Variants in CA10 observed in about 807,000 individuals in gnomAD.
The protein encoded by CA10 is carbonic anhydrase-related protein 10.
A neutral mutation model predicts 44.2 loss-of-function variants in CA10; 14 were observed. The observed-to-expected ratio is 0.32, with a 90% CI of 0.21 to 0.50. CA10 has a LOEUF of 0.50. Ranked by LOEUF, CA10 falls within the 20% of genes least tolerant of loss-of-function variation. The pLI, the probability that CA10 is intolerant of heterozygous loss-of-function variation, is 0.99. For synonymous variants in CA10, 159 were observed against 141.6 expected (o/e 1.12, Z -0.87); for missense variants, 350 against 409.7 (o/e 0.85, Z 1.26).
At chr17:51,724,566 C>T (rs1183142652) in intron 4 of CA10, among the ~76,000 whole-genome samples, 1 of 152,166 alleles carries the variant, frequency 6.6e-6, no homozygotes, top group Admixed American at 6.5e-5. Context: ...AAATCAAAAG[C>T]AGCTTTGATT....
chr17:51,896,172 C>CA (rs1195765432), intron 3 of CA10, among the ~76,000 whole-genome samples: 1 of 151,862 alleles, frequency 6.6e-6, no homozygotes, highest in Non-Finnish European at 1.5e-5. Context: ...GTTTGGTGTA[C>CA]AAATTATTTA....
chr17:52,013,505 G>A (rs56655792), intron 2 of CA10, among the ~76,000 whole-genome samples: 4,849 of 151,944 alleles, frequency 0.032, 264 homozygotes, highest in African/African-American at 0.11. Context: ...AGGGCATTAG[G>A]GAATTGGAAA....
chr17:52,011,104 G>A (rs375541643), intron 2 of CA10, among the ~76,000 whole-genome samples: 1 of 151,862 alleles, frequency 6.6e-6, no homozygotes, highest in African/African-American at 2.4e-5. Flanking sequence ...CCTAAAAACT[G>A]GGAATTGTAT....
chr17:52,120,430 ATCCT>A (rs1988989392), intron 1 of CA10, among the ~76,000 whole-genome samples: 2 of 99,254 alleles, frequency 2.0e-5, no homozygotes, highest in Non-Finnish European at 3.8e-5. Context: ...CCTTATCCTT[ATCCT>A]TATCCTTATC....
intron 1 of CA10, among the ~76,000 whole-genome samples, chr17:52,125,623 C>T (rs1467411799): frequency 6.6e-6 from 1 of 152,170 alleles, no homozygotes. Context: ...TCTTCGGTCT[C>T]TTGATACCTT....
At chr17:51,763,951 C>A (rs901687809) in intron 3 of CA10, among the ~76,000 whole-genome samples, 1 of 151,646 alleles carries the variant, frequency 6.6e-6, no homozygotes, top group African/African-American at 2.4e-5. Flanking sequence ...CAACTTAAGC[C>A]CTTATTTTAC....
In CA10 at chr17:51,852,265, T is replaced by C. The variant is rs112466871; in HGVS notation, c.279+78725A>G. ...CAGCCCAGTTCCGTTCAAAGAGATT[T>C]CAGCTGCACCGAGTCAGAGGCGAGG... On this transcript the variant is annotated intron_variant, in intron 3 of 8. Coordinates refer to ENST00000451037, the MANE Select transcript of CA10 (RefSeq NM_020178.5). Among the ~76,000 whole-genome samples the C allele has an allele frequency of 5.8e-4, 89 of 152,312 alleles. 1 individual carries two copies. The highest frequency in any genetic ancestry group is 3.4e-3 in the Middle Eastern group (1 of 294).
At chr17:51,699,540 T>C (rs928912250) in intron 4 of CA10, among the ~76,000 whole-genome samples, 4 of 152,208 alleles carry the variant, frequency 2.6e-5, no homozygotes, top group Non-Finnish European at 4.4e-5. Flanking sequence ...ATGTTCAGTT[T>C]TTGCTTAGCT....
chr17:51,849,233 G>GTGTATATATATATATA (rs1387448675), intron 3 of CA10, among the ~76,000 whole-genome samples: 3 of 39,896 alleles, frequency 7.5e-5, no homozygotes, highest in Admixed American at 6.5e-4. Context: ...ATATGTGTGT[G>GTGTATATATATATATA]TATATATATA....
At chr17:52,133,679 C>T (rs2143357380) in intron 1 of CA10, among the ~76,000 whole-genome samples, 1 of 152,270 alleles carries the variant, frequency 6.6e-6, no homozygotes, top group South Asian at 2.1e-4. Context: ...CAAAGCCATA[C>T]CCTCTTCTGG....
chr17:52,123,440 C>T (rs565112443), intron 1 of CA10, among the ~76,000 whole-genome samples: 2 of 148,606 alleles, frequency 1.3e-5, no homozygotes, highest in Admixed American at 1.3e-4. Flanking sequence ...ATCTCCATTA[C>T]CAGCTTTCTA....
chr17:52,004,901 A>G (rs1356505403), intron 2 of CA10, among the ~76,000 whole-genome samples: 1 of 151,922 alleles, frequency 6.6e-6, no homozygotes, highest in Non-Finnish European at 1.5e-5. Context: ...GCCTCTGAAG[A>G]AATTTGCTAA....
At chr17:52,088,948 A>G (rs1469838680) in intron 1 of CA10, among the ~76,000 whole-genome samples, 1 of 152,234 alleles carries the variant, frequency 6.6e-6, no homozygotes, top group African/African-American at 2.4e-5. Context: ...TGTCAATAAA[A>G]TGCTTTCATC....
chr17:51,822,844 A>G (rs1038911873), intron 3 of CA10, among the ~76,000 whole-genome samples: 1 of 152,184 alleles, frequency 6.6e-6, no homozygotes, highest in Middle Eastern at 3.2e-3. Flanking sequence ...ATATCATGTG[A>G]GAAGACTCAA....
At chr17:51,803,132 T>C (rs1246582888) in intron 3 of CA10, among the ~76,000 whole-genome samples, 2 of 152,176 alleles carry the variant, frequency 1.3e-5, no homozygotes, top group African/African-American at 4.8e-5. Flanking sequence ...TCCCAGAAAA[T>C]GGATAGTTTT....
chr17:52,081,795 G>A (rs1380549416), intron 1 of CA10, among the ~76,000 whole-genome samples: 3 of 83,802 alleles, frequency 3.6e-5, no homozygotes, highest in Non-Finnish European at 7.3e-5. Flanking sequence ...GCGAGACTCC[G>A]TCTCAAAAAA....
At chr17:51,871,112 G>A (rs1466248428) in intron 3 of CA10, among the ~76,000 whole-genome samples, 1 of 142,828 alleles carries the variant, frequency 7.0e-6, no homozygotes, top group Admixed American at 7.4e-5. Flanking sequence ...AGGGTGGAGT[G>A]GAGTGGCATG....
At chr17:51,672,929 G>A (rs866717927) in intron 4 of CA10, among the ~76,000 whole-genome samples, 1 of 152,184 alleles carries the variant, frequency 6.6e-6, no homozygotes, top group South Asian at 2.1e-4. Flanking sequence ...CTTTGCAGGA[G>A]GGGAGACTTG....
At chr17:51,808,535 C>T (rs1011739424) in intron 3 of CA10, among the ~76,000 whole-genome samples, 9 of 152,154 alleles carry the variant, frequency 5.9e-5, no homozygotes, top group African/African-American at 2.2e-4. Context: ...GGGCAAGACT[C>T]CTTGTCCCTA....
Sources: gnomAD v4.1 joint callset for allele counts (sites outside exome capture counted in the v4.1 genomes callset) on GRCh38, gnomAD v4.1.1 for gene constraint, MANE v1.5 for transcripts, NCBI Gene and HGNC (gene_info 2026-07-23, HGNC 2026-07-21) for gene names.